Variants in DACH1 observed in about 807,000 individuals in gnomAD.
DACH1 encodes the protein dachshund family transcription factor 1.
DACH1 carries 12 observed loss-of-function variants against 54.2 expected under a neutral mutation model. The ratio of observed to expected loss-of-function variants is 0.22; its 90% confidence interval spans 0.14 to 0.36. The LOEUF is 0.36. Among genes scored for constraint, DACH1 ranks in the 10% least tolerant of loss-of-function variants. The pLI is 1.00. For synonymous variants in DACH1, 386 were observed against 366.2 expected (o/e 1.05, Z -0.62); for missense variants, 805 against 929.8 (o/e 0.87, Z 1.75).
At chr13:71,764,363 G>T (rs1885530056) in intron 1 of DACH1, among the ~76,000 whole-genome samples, 1 of 152,038 alleles carries the variant, frequency 6.6e-6, no homozygotes, top group Non-Finnish European at 1.5e-5. Flanking sequence ...CTTGTGAACA[G>T]CCACTACATT....
intron 7 of DACH1, among the ~76,000 whole-genome samples, chr13:71,484,800 G>A (rs1276918534): frequency 6.6e-6 from 1 of 152,158 alleles, no homozygotes; most frequent in Non-Finnish European, 1.5e-5. Flanking sequence ...GGGCGCGGTG[G>A]CTCACGCCTG....
At chr13:71,637,980 A>C (rs1877612556) in intron 2 of DACH1, among the ~76,000 whole-genome samples, 1 of 152,172 alleles carries the variant, frequency 6.6e-6, no homozygotes, top group South Asian at 2.1e-4. Context: ...CAAATGTTTG[A>C]TATATTGTCT....
intron 1 of DACH1, among the ~76,000 whole-genome samples, chr13:71,804,355 C>T (rs2138133239): frequency 6.6e-6 from 1 of 152,218 alleles, no homozygotes; most frequent in African/African-American, 2.4e-5. Flanking sequence ...GAGACAGCAG[C>T]TATGGGAGAA....
intron 2 of DACH1, among the ~76,000 whole-genome samples, chr13:71,667,012 T>A (rs1190437777): frequency 1.3e-5 from 2 of 151,970 alleles, no homozygotes; most frequent in Middle Eastern, 3.4e-3. Context: ...AACAAAAAAA[T>A]GAAGCAGCTG....
Position 71,618,961 on chromosome 13 carries a change from C to A in DACH1, c.1126+11595G>T, listed in dbSNP as rs145903005. Among the ~76,000 whole-genome samples, 375 of 151,622 alleles carry A rather than the reference C, an allele frequency of 2.5e-3. 4 individuals are homozygous for A. The highest frequency in any genetic ancestry group is 8.3e-3 in the African/African-American group (342 of 41,412). On this transcript the variant is annotated intron_variant, in intron 3 of 10. Transcript: ENST00000613252. ...ATTTAAAATACATAAGATGAATGCA[C>A]ATGAATACCTTATATGCATTTTTTT...
intron 6 of DACH1, among the ~76,000 whole-genome samples, chr13:71,528,208 G>A (rs953174759): frequency 5.9e-5 from 9 of 152,102 alleles, no homozygotes; most frequent in African/African-American, 1.9e-4. Flanking sequence ...AGACATAAGG[G>A]CAAGAAAAAG....
At chr13:71,684,325 T>C (rs1320883284) in intron 1 of DACH1, among the ~76,000 whole-genome samples, 3 of 152,168 alleles carry the variant, frequency 2.0e-5, no homozygotes, top group Non-Finnish European at 4.4e-5. Context: ...CCTACTGGAT[T>C]CACAATCCTT....
At chr13:71,613,197 G>C (rs1875466099) in intron 3 of DACH1, among the ~76,000 whole-genome samples, 2 of 152,136 alleles carry the variant, frequency 1.3e-5, no homozygotes, top group African/African-American at 4.8e-5. Context: ...AGAACAAAGA[G>C]AACAGAGATC....
intron 6 of DACH1, among the ~76,000 whole-genome samples, chr13:71,489,989 T>C (rs1878852263): frequency 6.6e-6 from 1 of 152,180 alleles, no homozygotes; most frequent in Non-Finnish European, 1.5e-5. Context: ...TTCAGTTTTC[T>C]TTATTGTTTA....
At chr13:71,708,377 T>C (rs1158276676) in intron 1 of DACH1, among the ~76,000 whole-genome samples, 1 of 152,134 alleles carries the variant, frequency 6.6e-6, no homozygotes, top group Non-Finnish European at 1.5e-5. Flanking sequence ...ACTTAGTAAA[T>C]TATTATTTTA....
chr13:71,493,307 T>A (rs2138213083), intron 6 of DACH1, among the ~76,000 whole-genome samples: 1 of 152,220 alleles, frequency 6.6e-6, no homozygotes, highest in South Asian at 2.1e-4. Flanking sequence ...AACAAGGGAC[T>A]GAGGGCCAAC....
At chr13:71,717,504 T>TCA (rs3221998) in intron 1 of DACH1, among the ~76,000 whole-genome samples, 23,484 of 142,700 alleles carry the variant, frequency 0.16, 2,196 homozygotes, top group East Asian at 0.39. Context: ...GTGTGTGTAA[T>TCA]CACACACACA....
intron 2 of DACH1, among the ~76,000 whole-genome samples, chr13:71,667,529 T>C (rs1879919954): frequency 6.6e-6 from 1 of 152,220 alleles, no homozygotes; most frequent in Non-Finnish European, 1.5e-5. Flanking sequence ...TACATATTTC[T>C]AAAATGTCTA....
At chr13:71,812,207 A>C (rs2138153505) in intron 1 of DACH1, among the ~76,000 whole-genome samples, 1 of 152,314 alleles carries the variant, frequency 6.6e-6, no homozygotes. Context: ...TTTTAATAAA[A>C]AAAGTTTCCA....
chr13:71,506,083 T>A (rs1263534756), intron 6 of DACH1, among the ~76,000 whole-genome samples: 1 of 151,956 alleles, frequency 6.6e-6, no homozygotes, highest in Non-Finnish European at 1.5e-5. Flanking sequence ...ATGAAATAAA[T>A]AAAAATATTA....
At position 71,469,299 on chromosome 13, in the gene DACH1, A is replaced by G. The variant is rs1876863184; in HGVS notation, c.2083+5842T>C. Among the ~76,000 whole-genome samples the G allele has an allele frequency of 3.3e-5, 5 of 152,144 alleles. No homozygotes were observed. In the South Asian group the frequency reaches 8.3e-4, roughly 25 times the overall value. On this transcript the variant is annotated intron_variant, in intron 10 of 10. Transcript: ENST00000613252. Reference sequence around the variant, plus strand: ...CCACTTACTATTAATATACCTGTCTAAATGAAAGAAAATGTATTACTAGGA... The same window carrying G: ...CCACTTACTATTAATATACCTGTCTGAATGAAAGAAAATGTATTACTAGGA...
intron 1 of DACH1, among the ~76,000 whole-genome samples, chr13:71,739,502 G>A (rs888942840): frequency 6.6e-6 from 1 of 152,136 alleles, no homozygotes; most frequent in East Asian, 1.9e-4. Flanking sequence ...TAACCCACAT[G>A]AAAATTATTG....
At chr13:71,654,468 A>ATAAAATAAAATAAAATAAAG (rs1878945523) in intron 2 of DACH1, among the ~76,000 whole-genome samples, 1 of 104,626 alleles carries the variant, frequency 9.6e-6, no homozygotes, top group Non-Finnish European at 1.7e-5. Flanking sequence ...GTAAAATAAA[A>ATAAAATAAAATAAAATAAAG]TAAAATAAAA....
chr13:71,583,881 A>G (rs574485070), intron 3 of DACH1, among the ~76,000 whole-genome samples: 1 of 152,294 alleles, frequency 6.6e-6, no homozygotes, highest in East Asian at 1.9e-4. Flanking sequence ...TTAATTAACA[A>G]TGAATCGTTA....
Sources: allele counts gnomAD v4.1 joint callset (sites outside exome capture counted in the v4.1 genomes callset), GRCh38; gene constraint gnomAD v4.1.1; transcripts MANE v1.5; gene names NCBI Gene and HGNC (gene_info 2026-07-23, HGNC 2026-07-21).